LRRC2: variants seen among roughly 807,000 people sequenced by gnomAD.
The protein encoded by LRRC2 is leucine rich repeat containing 2.
LRRC2 carries 27 observed loss-of-function variants against 40.2 expected under a neutral mutation model. The ratio of observed to expected loss-of-function variants is 0.67; its 90% CI spans 0.49 to 0.93. The LOEUF is 0.93. LRRC2 is among the 40% of genes least tolerant of loss of function. The probability of loss-of-function intolerance (pLI) is 0.00; values close to 1 mark genes in which losing one functional copy is unlikely to be tolerated. For synonymous variants in LRRC2, 147 were observed against 158.9 expected (o/e 0.92, Z 0.56); for missense variants, 402 against 439.6 (o/e 0.91, Z 0.76).
chr3:46,548,419 C>T (rs2107031711), intron 2 of LRRC2, among the ~76,000 whole-genome samples: 1 of 151,956 alleles, frequency 6.6e-6, no homozygotes, highest in South Asian at 2.1e-4. Flanking sequence ...TTTTTAATTC[C>T]ATTCTCTTCC....
chr3:46,540,172 G>A (rs575575147), intron 3 of LRRC2, among the ~76,000 whole-genome samples: 2 of 152,332 alleles, frequency 1.3e-5, no homozygotes, highest in East Asian at 1.9e-4. Context: ...TGTGGGTTAA[G>A]CTGTTAACTT....
chr3:46,526,575 T>C (rs1173609142), intron 7 of LRRC2, among the ~76,000 whole-genome samples: 1 of 152,266 alleles, frequency 6.6e-6, no homozygotes, highest in African/African-American at 2.4e-5. Context: ...TATACAGATA[T>C]GGAGTTGTTC....
chr3:46,547,535 A>G (rs1704552762), intron 2 of LRRC2, among the ~76,000 whole-genome samples: 1 of 152,054 alleles, frequency 6.6e-6, no homozygotes, highest in African/African-American at 2.4e-5. Context: ...ACATGCTTGT[A>G]GTCCCAGCTA....
At chr3:46,530,167 G>A (rs556133576) in intron 5 of LRRC2, 117 bp from the exon 6 acceptor site, 2 of 795,198 alleles carry the variant, frequency 2.5e-6, no homozygotes, top group Admixed American at 2.2e-5. Context: ...TATATGCAAA[G>A]CAGATCAATA....
chr3:46,551,423 T>C (rs200419347), intron 2 of LRRC2, 44 bp downstream of exon 2: 2 of 1,595,802 alleles, frequency 1.3e-6, no homozygotes, highest in Non-Finnish European at 8.5e-7. Context: ...TCCAAATCCT[T>C]ATTCACCAAA....
At chr3:46,544,905 A>G in intron 3 of LRRC2, 141 bp downstream of exon 3, 1 of 823,414 alleles carries the variant, frequency 1.2e-6, no homozygotes, top group South Asian at 1.6e-5. Flanking sequence ...CACTGCTTCC[A>G]GGACTGCGCT....
intron 2 of LRRC2, among the ~76,000 whole-genome samples, chr3:46,548,187 A>T (rs1385150457): frequency 2.0e-5 from 3 of 152,240 alleles, no homozygotes; most frequent in African/African-American, 7.2e-5. Flanking sequence ...ACAAATTGTT[A>T]TAAATATTTC....
chr3:46,523,664 T>C (rs9821213), intron 7 of LRRC2, among the ~76,000 whole-genome samples: 144,638 of 152,260 alleles, frequency 0.95, 68,782 homozygotes, highest in East Asian at 1. Flanking sequence ...CACACCTATC[T>C]GCCCAACTAT....
chr3:46,530,822 C>T (rs1213938982), intron 5 of LRRC2, among the ~76,000 whole-genome samples: 4 of 152,188 alleles, frequency 2.6e-5, no homozygotes, highest in Non-Finnish European at 5.9e-5. Context: ...CCTCCCACAA[C>T]GTGTGGGAAT....
intron 4 of LRRC2, among the ~76,000 whole-genome samples, chr3:46,534,267 T>A (rs1704225817): frequency 6.6e-6 from 1 of 152,214 alleles, no homozygotes. Flanking sequence ...TCCTCCTTTT[T>A]ATGGCTGCAT....
chr3:46,546,653 C>T (rs1009917960), intron 2 of LRRC2, among the ~76,000 whole-genome samples: 1 of 151,384 alleles, frequency 6.6e-6, no homozygotes, highest in Non-Finnish European at 1.5e-5. Context: ...TCCATAAACA[C>T]ACAGAAATTC....
intron 1 of LRRC2, among the ~76,000 whole-genome samples, chr3:46,555,865 T>C (rs1704780376): frequency 6.6e-6 from 1 of 152,202 alleles, no homozygotes; most frequent in Non-Finnish European, 1.5e-5. Flanking sequence ...TTAACAATTA[T>C]TTTAGAGAAA....
At chr3:46,546,199 G>A (rs1025336470) in intron 2 of LRRC2, among the ~76,000 whole-genome samples, 5 of 152,236 alleles carry the variant, frequency 3.3e-5, no homozygotes, top group Admixed American at 2.6e-4. Flanking sequence ...GCCCAAGGCA[G>A]TATATACACT....
At chr3:46,558,714 C>G (rs1299087597) in intron 1 of LRRC2, 3 of 152,260 alleles carry the variant, frequency 2.0e-5, no homozygotes, top group Non-Finnish European at 2.9e-5. Context: ...TGTAGTTACC[C>G]TGCTCTGCCG....
chr3:46,541,719 A>G (rs993804762), intron 3 of LRRC2, among the ~76,000 whole-genome samples: 1 of 152,124 alleles, frequency 6.6e-6, no homozygotes, highest in Non-Finnish European at 1.5e-5. Context: ...TCACGGCCCA[A>G]AGAAAGAGAT....
chr3:46,542,531 A>AAAAAAAAAGAAGAAAAG (rs1704417798), intron 3 of LRRC2, among the ~76,000 whole-genome samples: 1 of 79,584 alleles, frequency 1.3e-5, no homozygotes, highest in East Asian at 3.0e-4. Flanking sequence ...AGAAGAAAAG[A>AAAAAAAAAGAAGAAAAG]AAAAAAAAAA....
At chr3:46,564,314 C>CCACTTTACAGAGCCATA (rs1420781811) in intron 1 of LRRC2, among the ~76,000 whole-genome samples, 1 of 152,048 alleles carries the variant, frequency 6.6e-6, no homozygotes, top group Non-Finnish European at 1.5e-5. Flanking sequence ...ACAGAGCCAT[C>CCACTTTACAGAGCCATA]CACTTTACAG....
At chr3:46,550,004 T>A (rs1704609436) in intron 2 of LRRC2, among the ~76,000 whole-genome samples, 1 of 152,358 alleles carries the variant, frequency 6.6e-6, no homozygotes, top group East Asian at 1.9e-4. Flanking sequence ...TTTTGTTGTT[T>A]TTTTGTAAAG....
chr3:46,537,437 C>T (rs995029040), intron 4 of LRRC2, among the ~76,000 whole-genome samples: 1 of 152,200 alleles, frequency 6.6e-6, no homozygotes, highest in Non-Finnish European at 1.5e-5. Context: ...TCCTCAGAAA[C>T]TCTATCCAGT....
Sources: gnomAD v4.1 joint callset for allele counts (sites outside exome capture counted in the v4.1 genomes callset) on GRCh38, gnomAD v4.1.1 for gene constraint, MANE v1.5 for transcripts, NCBI Gene and HGNC (gene_info 2026-07-23, HGNC 2026-07-21) for gene names.